CDK12: variants seen among roughly 807,000 people sequenced by gnomAD.
CDK12 encodes the protein cyclin dependent kinase 12.
In CDK12, 17 loss-of-function variants were observed where a neutral mutation model predicts 133.8. That is an observed-to-expected ratio of 0.13 (90% CI 0.09 to 0.19). CDK12 has a LOEUF of 0.19. Ranked by LOEUF, CDK12 falls within the 10% of genes least tolerant of loss-of-function variation. CDK12 has a pLI of 1.00. For missense variants in CDK12, 1,508 were observed against 1,818.7 expected (o/e 0.83, Z 3.11); for synonymous variants, 694 against 683.6 (o/e 1.02, Z -0.24).
At chr17:39,469,629 A>G (rs1213619490) in intron 1 of CDK12, among the ~76,000 whole-genome samples, 2 of 147,892 alleles carry the variant, frequency 1.4e-5, no homozygotes, top group East Asian at 3.9e-4. Context: ...ACTATGGAGT[A>G]TGACTTCTTT....
intron 1 of CDK12, among the ~76,000 whole-genome samples, chr17:39,467,349 A>G (rs1047611823): frequency 1.3e-5 from 2 of 152,200 alleles, no homozygotes; most frequent in African/African-American, 2.4e-5. Context: ...TAGATTAGCA[A>G]TGATTAATAG....
At chr17:39,542,286 A>C (rs2055461904) in intron 1 of CDK12, among the ~76,000 whole-genome samples, 1 of 150,744 alleles carries the variant, frequency 6.6e-6, no homozygotes, top group Admixed American at 6.6e-5. Context: ...TTCTGGGTTC[A>C]AGCGATTCTC....
intron 3 of CDK12, among the ~76,000 whole-genome samples, chr17:39,491,855 G>A (rs1202387124): frequency 1.5e-4 from 22 of 150,310 alleles, no homozygotes; most frequent in African/African-American, 4.9e-4. Context: ...GTGGCTGGGC[G>A]CGGTGGCTCA....
chr17:39,464,515 C>G (rs2049159339), intron 1 of CDK12, among the ~76,000 whole-genome samples: 2 of 151,644 alleles, frequency 1.3e-5, no homozygotes, highest in Admixed American at 1.3e-4. Context: ...CAGGCATGAG[C>G]CACCACGCCT....
intron 11 of CDK12, among the ~76,000 whole-genome samples, chr17:39,521,381 C>T (rs1445323689): frequency 1.3e-5 from 2 of 151,972 alleles, no homozygotes; most frequent in Admixed American, 1.3e-4. Context: ...AGCAATTCTC[C>T]TGCCTCAGCC....
At chr17:39,475,562 T>C (rs984752334) in intron 2 of CDK12, among the ~76,000 whole-genome samples, 4 of 151,770 alleles carry the variant, frequency 2.6e-5, no homozygotes, top group Non-Finnish European at 4.4e-5. Context: ...TTTTTTTTTT[T>C]TTTGAGACGG....
At chr17:39,548,476 G>A (rs2055817552), upstream of CDK12, among the ~76,000 whole-genome samples, 1 of 152,180 alleles carries the variant, frequency 6.6e-6, no homozygotes, top group East Asian at 1.9e-4. Flanking sequence ...GGTGCCTGTG[G>A]TTTTTAGGGG....
chr17:39,544,153 T>C, upstream of CDK12: 2 of 470,842 alleles, frequency 4.2e-6, no homozygotes, highest in South Asian at 3.1e-5. Context: ...CACTGTTACC[T>C]ACCAATGGAT....
chr17:39,506,659 A>G (rs530636842), intron 6 of CDK12, among the ~76,000 whole-genome samples: 1 of 152,264 alleles, frequency 6.6e-6, no homozygotes, highest in East Asian at 1.9e-4. Context: ...TAGTTTGGTT[A>G]ATTAACCAAG....
At chr17:39,498,482 C>CA (rs1271515532) in intron 5 of CDK12, among the ~76,000 whole-genome samples, 2 of 152,164 alleles carry the variant, frequency 1.3e-5, no homozygotes, top group Non-Finnish European at 2.9e-5. Flanking sequence ...CTCGGCCTCC[C>CA]AAAGTGCTGG....
Position 39,520,988 on chromosome 17 carries a change from G to A in CDK12, c.3095+901G>A, listed in dbSNP as rs563367364. 1.3e-4 allele frequency among the ~76,000 whole-genome samples: 19 copies of A among 151,992 alleles called. No individual in the cohort carries two copies. In the East Asian group the frequency reaches 3.1e-3, roughly 25 times the overall value. Reference sequence around the variant, plus strand: ...TCAGCCTTCCCAAGCTGAAATTACAGGCACGTGCCACCATGCCCAGCTAAT... The same window carrying A: ...TCAGCCTTCCCAAGCTGAAATTACAAGCACGTGCCACCATGCCCAGCTAAT... On this transcript the variant is annotated intron_variant, in intron 11 of 13. Coordinates refer to ENST00000447079, the MANE Select transcript of CDK12 (RefSeq NM_016507.4).
In CDK12 at chr17:39,531,696, T is replaced by C; in HGVS notation, c.*380T>C. ...GGCTCAGGAGAGGCTCTTTGATTTT[T>C]AAAGTTTTGGGGTGGGGGATTGTGT... is the stretch of plus-strand genomic sequence containing the variant. On this transcript the variant is annotated 3_prime_UTR_variant, in exon 14 of 14. Transcript: ENST00000447079. The C allele has an allele frequency of 4.0e-6, 1 of 248,112 alleles. No homozygotes were observed. Among genetic ancestry groups the C allele is most frequent in the Admixed American group, 5.5e-5 (1 of 18,172 alleles). 15.4% of individuals were successfully genotyped at this position (248,112 alleles called of 1,614,324 possible). A position where few individuals can be genotyped will look rare whatever the true frequency, so the allele number is the denominator to read the frequency against.
intron 1 of CDK12, among the ~76,000 whole-genome samples, chr17:39,467,042 G>A (rs1436522644): frequency 6.6e-6 from 1 of 151,822 alleles, no homozygotes; most frequent in Non-Finnish European, 1.5e-5. Context: ...GCAGTGGTGC[G>A]ATCTCAGCTC....
intron 6 of CDK12, among the ~76,000 whole-genome samples, chr17:39,508,256 A>G (rs1173613195): frequency 6.6e-6 from 1 of 152,140 alleles, no homozygotes; most frequent in African/African-American, 2.4e-5. Flanking sequence ...ATTTGGATGC[A>G]CAATCTATAT....
intron 2 of CDK12, among the ~76,000 whole-genome samples, chr17:39,554,924 G>A (rs1597710777): frequency 1.4e-5 from 2 of 139,256 alleles, no homozygotes; most frequent in Non-Finnish European, 3.1e-5. Context: ...GAGTAACAGC[G>A]ATCTTGTTTG....
chr17:39,509,746 A>G lies in CDK12; in HGVS notation c.2651A>G (p.Tyr884Cys), dbSNP rs200264056. Residue 884 changes from tyrosine (Y) to cysteine (C), a missense_variant, in exon 7 of 14, where the codon TAT becomes TGT. Coordinates refer to ENST00000447079, the MANE Select transcript of CDK12 (RefSeq NM_016507.4). ...GCAGATTTTGGACTTGCTCGGCTCT[A>G]TAACTCTGAAGAGAGGTAAGGCATT... Reference protein sequence around the residue: ...KLADFGLARLYNSEESRPYTN... With the variant: ...KLADFGLARLCNSEESRPYTN... 2 of 1,610,906 alleles carry G rather than the reference A, an allele frequency of 1.2e-6. No homozygotes were observed. The highest frequency in any genetic ancestry group is 1.7e-6 in the Non-Finnish European group (2 of 1,177,074).
At chr17:39,482,259 G>T (rs990772854) in intron 2 of CDK12, among the ~76,000 whole-genome samples, 1 of 151,936 alleles carries the variant, frequency 6.6e-6, no homozygotes. Flanking sequence ...TGATCCACCC[G>T]CCTCGGCCTC....
At chr17:39,483,411 C>T (rs1374430057) in intron 2 of CDK12, among the ~76,000 whole-genome samples, 2 of 151,554 alleles carry the variant, frequency 1.3e-5, no homozygotes, top group South Asian at 2.1e-4. Flanking sequence ...ACTACAGGCA[C>T]GTGCCATCAT....
At chr17:39,467,242 G>T (rs538476551) in intron 1 of CDK12, among the ~76,000 whole-genome samples, 1 of 152,230 alleles carries the variant, frequency 6.6e-6, no homozygotes, top group Admixed American at 6.5e-5. Flanking sequence ...CTCCCAAAGC[G>T]CTGGGATTAC....
Sources: gnomAD v4.1 joint callset for allele counts (sites outside exome capture counted in the v4.1 genomes callset) on GRCh38, gnomAD v4.1.1 for gene constraint, MANE v1.5 for transcripts, NCBI Gene and HGNC (gene_info 2026-07-23, HGNC 2026-07-21) for gene names.